ZNF114: variants seen among roughly 807,000 people sequenced by gnomAD.
ZNF114 encodes the protein zinc finger protein 114, also known as zinc finger protein 114 (Y18).
In ZNF114, 8 loss-of-function variants were observed where a neutral mutation model predicts 6.8. The observed-to-expected ratio is 1.18, with a 90% CI of 0.69 to 2.13. The LOEUF (loss-of-function observed/expected upper bound fraction) is 2.13. ZNF114 is among the 30% of genes most tolerant of loss of function. ZNF114 has a pLI of 0.00. For missense variants in ZNF114, 472 were observed against 519.5 expected (o/e 0.91, Z 0.89); for synonymous variants, 169 against 185.5 (o/e 0.91, Z 0.72).
chr19:48,283,198 T>A (rs1464248800), intron 5 of ZNF114, among the ~76,000 whole-genome samples: 1 of 152,140 alleles, frequency 6.6e-6, no homozygotes, highest in Non-Finnish European at 1.5e-5. Flanking sequence ...TACATTTTTA[T>A]TCTCTTCGTG....
intron 4 of ZNF114, among the ~76,000 whole-genome samples, chr19:48,281,977 A>G (rs1371952092): frequency 7.2e-6 from 1 of 139,512 alleles, no homozygotes; most frequent in Non-Finnish European, 1.5e-5. Flanking sequence ...GCTCACTGCA[A>G]CCTCCACCTC....
At position 48,286,498 on chromosome 19, in the gene ZNF114, G is replaced by A. The variant is rs746357344; in HGVS notation, c.874G>A (p.Gly292Ser). 76 of 1,613,992 alleles carry A rather than the reference G, an allele frequency of 4.7e-5. No individual in the cohort carries two copies. Among genetic ancestry groups the A allele is most frequent in the Non-Finnish European group, 6.2e-5 (73 of 1,180,044 alleles). ...GATSANAPNS[G>S]SHKSHCTGEK... ...AACCTCTGCCAACGCTCCAAATTCC[G>A]GTTCACACAAGAGTCATTGCACTGG... is the stretch of plus-strand genomic sequence containing the variant. Residue 292 changes from glycine (G) to serine (S), a missense_variant, in exon 6 of 6, where the codon GGT (glycine) becomes AGT (serine). Coordinates refer to ENST00000595607, the MANE Select transcript of ZNF114 (RefSeq NM_153608.4).
At chr19:48,280,884 A>C (rs7252339) in intron 4 of ZNF114, among the ~76,000 whole-genome samples, 44,809 of 151,890 alleles carry the variant, frequency 0.3, 6,840 homozygotes, top group Middle Eastern at 0.47. Context: ...CCTCTGTGAT[A>C]GTTTGTTATA....
At chr19:48,270,594 GAAGA>G (rs1967628482) in intron 1 of ZNF114, among the ~76,000 whole-genome samples, 2 of 129,156 alleles carry the variant, frequency 1.5e-5, no homozygotes, top group South Asian at 2.7e-4. Context: ...GAAAGAAAGA[GAAGA>G]AAGAAGGGAG....
intron 3 of ZNF114, among the ~76,000 whole-genome samples, chr19:48,272,177 G>A (rs1967676118): frequency 6.6e-6 from 1 of 152,138 alleles, no homozygotes; most frequent in South Asian, 2.1e-4. Context: ...TTCGAAGGCC[G>A]AGGTGGGCGG....
intron 4 of ZNF114, among the ~76,000 whole-genome samples, chr19:48,280,906 AG>A (rs1474287277): frequency 6.6e-6 from 1 of 152,190 alleles, no homozygotes; most frequent in East Asian, 1.9e-4. Flanking sequence ...CAGCCTGAAC[AG>A]GCTAATGCAT....
chr19:48,272,849 G>A (rs1967707554), intron 3 of ZNF114, among the ~76,000 whole-genome samples: 1 of 137,876 alleles, frequency 7.3e-6, no homozygotes, highest in Non-Finnish European at 1.5e-5. Context: ...AGGCTGGAGC[G>A]CTGTGGCGCG....
chr19:48,282,256 CT>C, intron 4 of ZNF114, 114 bp from the exon 5 acceptor site: 1 of 1,430,462 alleles, frequency 7.0e-7, no homozygotes, highest in Non-Finnish European at 9.6e-7. Flanking sequence ...ATCAGGTCAC[CT>C]TTGCAGGTAC....
intron 3 of ZNF114, among the ~76,000 whole-genome samples, chr19:48,274,504 ATATTTT>A (rs1268984873): frequency 2.5e-4 from 3 of 11,844 alleles, no homozygotes; most frequent in African/African-American, 7.4e-4. Context: ...ATATATATAT[ATATTTT>A]TTTTTTTTTT....
chr19:48,282,325 T>C, intron 4 of ZNF114, 46 bp from the exon 5 acceptor site: 1 of 1,608,372 alleles, frequency 6.2e-7, no homozygotes, highest in Non-Finnish European at 8.5e-7. Context: ...CAGTTCAAAC[T>C]GATAACAGGA....
At position 48,270,170 on chromosome 19, in the gene ZNF114, ATAC is replaced by A. The variant is rs1967617007; in HGVS notation, c.-425_-423del. The A allele has an allele frequency of 6.6e-6, 1 of 152,106 alleles. No individual in the cohort carries two copies. The allele number at this position is 152,106 out of a possible 1,614,324, so 9.4% of individuals were successfully genotyped here. A position where few individuals can be genotyped will look rare whatever the true frequency, so the allele number is the denominator to read the frequency against. ...ACAAAGCCTGTTTAGGTGGTCTTCT[ATAC>A]GGACACGCGTGACACCCAGGAGTTC... is the stretch of plus-strand genomic sequence containing the variant. On this transcript the variant is annotated 5_prime_UTR_variant, in exon 1 of 6. Transcript: ENST00000595607.
At chr19:48,277,783 G>T (rs1391537135) in intron 3 of ZNF114, among the ~76,000 whole-genome samples, 1 of 141,708 alleles carries the variant, frequency 7.1e-6, no homozygotes, top group African/African-American at 2.8e-5. Flanking sequence ...AGACTGACCA[G>T]GGAGGCATTG....
chr19:48,286,469 G>T lies in ZNF114; in HGVS notation c.845G>T (p.Gly282Val). 6.2e-7 allele frequency: 1 copy of T among 1,614,124 alleles called. No individual in the cohort carries two copies. Among genetic ancestry groups the T allele is most frequent in the Non-Finnish European group, 8.5e-7 (1 of 1,180,014 alleles). ...ACAAACAAGAAGGATTGTCAAACTG[G>T]GGCAACCTCTGCCAACGCTCCAAAT... is the stretch of plus-strand genomic sequence containing the variant. The part of the protein sequence containing the change: ...AETNKKDCQT[G>V]ATSANAPNSG... The change falls in exon 6 of 6, where the codon GGG becomes GTG. Residue 282 changes from glycine to valine, a missense_variant. Physicochemically the swap from Gly to Val is moderately radical, Grantham distance 109 (BLOSUM62 -3). Coordinates refer to ENST00000595607, the MANE Select transcript of ZNF114 (RefSeq NM_153608.4).
intron 5 of ZNF114, among the ~76,000 whole-genome samples, chr19:48,285,355 A>G (rs1968088301): frequency 6.6e-6 from 1 of 152,108 alleles, no homozygotes; most frequent in Non-Finnish European, 1.5e-5. Flanking sequence ...AAAATTAGCC[A>G]GGCATGGTGG....
intron 3 of ZNF114, among the ~76,000 whole-genome samples, chr19:48,277,105 G>A (rs1010115929): frequency 2.6e-5 from 4 of 152,084 alleles, no homozygotes; most frequent in African/African-American, 7.2e-5. Flanking sequence ...AAGTTGCAGC[G>A]AGCTGAGATC....
At chr19:48,275,014 C>A (rs1370498757) in intron 3 of ZNF114, among the ~76,000 whole-genome samples, 1 of 151,466 alleles carries the variant, frequency 6.6e-6, no homozygotes, top group Non-Finnish European at 1.5e-5. Context: ...CGGTGACTCA[C>A]GCCTGTGATC....
rs960105891 is a variant in ZNF114 at position 48,271,780 on chromosome 19, T to C, written c.-118T>C. On this transcript the variant is annotated 5_prime_UTR_variant, in exon 3 of 6. Coordinates refer to ENST00000595607, the MANE Select transcript of ZNF114 (RefSeq NM_153608.4). ...GACGCTCCTGGGCTGCGCGCGCTTT[T>C]GGGCTGCGCCACCGACAGAGACATC... 1 of 152,246 alleles carries C rather than the reference T, an allele frequency of 6.6e-6. No individual in the cohort carries two copies. The highest frequency in any genetic ancestry group is 1.5e-5 in the Non-Finnish European group (1 of 68,144). The allele number at this position is 152,246 out of a possible 1,614,324, so 9.4% of individuals were successfully genotyped here. A position where few individuals can be genotyped will look rare whatever the true frequency, so the allele number is the denominator to read the frequency against.
rs749720225 is a variant in ZNF114 at position 48,285,939 on chromosome 19, T to C, written c.315T>C (p.Asn105=). Reference sequence around the variant, plus strand: ...AACCACACAGGCAGGGGGTGAATAATGTGAAGCCACCTGCAGTTGCCCCTG... The same window carrying C: ...AACCACACAGGCAGGGGGTGAATAACGTGAAGCCACCTGCAGTTGCCCCTG... ...TEEPHRQGVN[N]VKPPAVAPEK... is the part of the protein sequence containing the mutation. Residue 105 remains asparagine, a synonymous_variant, in exon 6 of 6, where the codon AAT becomes AAC. Coordinates refer to ENST00000595607, the MANE Select transcript of ZNF114 (RefSeq NM_153608.4). 6 of 1,614,064 alleles carry C rather than the reference T, an allele frequency of 3.7e-6. No homozygotes were observed. The Admixed American group carries it at 8.3e-5, about 22-fold the overall frequency.
chr19:48,276,484 T>A (rs1162400025), intron 3 of ZNF114, among the ~76,000 whole-genome samples: 1 of 152,136 alleles, frequency 6.6e-6, no homozygotes, highest in Non-Finnish European at 1.5e-5. Context: ...CCGACGTGTC[T>A]TATTTCCTGA....
Sources: gnomAD v4.1 joint callset for allele counts (sites outside exome capture counted in the v4.1 genomes callset) on GRCh38, gnomAD v4.1.1 for gene constraint, MANE v1.5 for transcripts, NCBI Gene and HGNC (gene_info 2026-07-23, HGNC 2026-07-21) for gene names.